The following TLN1 variants were observed in gnomAD, a reference collection of about 807,000 sequenced individuals.
The protein encoded by TLN1 is talin-1.
A neutral mutation model predicts 292.3 loss-of-function variants in TLN1; 56 were observed. The observed-to-expected ratio is 0.19, with a 90% CI of 0.15 to 0.24. TLN1 has a LOEUF of 0.24. TLN1 is among the 10% of genes least tolerant of loss of function. The pLI is 1.00. For synonymous variants in TLN1, 1,119 were observed against 1,253.7 expected, an observed-to-expected ratio of 0.89 and a Z score of 2.27; for missense variants, 2,433 against 3,248.2, an observed-to-expected ratio of 0.75 and a Z score of 6.10.
In TLN1 at chr9:35,699,884, G is replaced by A; in HGVS notation, c.6768+90C>T. 1 of 1,376,460 alleles carries A rather than the reference G, an allele frequency of 7.3e-7. No individual in the cohort carries two copies. The highest frequency in any genetic ancestry group is 1.0e-6 in the Non-Finnish European group (1 of 1,003,412). The allele number at this position is 1,376,460 out of a possible 1,614,324, so 85.3% of individuals were successfully genotyped here. On this transcript the variant is annotated intron_variant, in intron 50 of 56. Coordinates refer to ENST00000314888, the MANE Select transcript of TLN1 (RefSeq NM_006289.4). The surrounding 1 kb of genome is among the most constrained non-coding windows in gnomAD (Gnocchi z 4.0). ...AGGGTGGGGTAGGGAGGAGATCTGA[G>A]CAAAACAGACAGCAGGGTGCGAGGC...
intron 10 of TLN1, 53 bp from the exon 11 acceptor site, chr9:35,720,966 GA>G (rs1174401878): frequency 1.4e-6 from 2 of 1,450,364 alleles, no homozygotes; most frequent in Admixed American, 1.7e-5. Context: ...ATCCAGGATG[GA>G]AATGGCTAGG....
At chr9:35,711,973 C>T (rs1469748831) in intron 28 of TLN1, 32 bp downstream of exon 28, 2 of 1,610,242 alleles carry the variant, frequency 1.2e-6, no homozygotes, top group Non-Finnish European at 1.7e-6. Context: ...TCTTTGACTC[C>T]TACGTTCCCC....
At position 35,715,171 on chromosome 9, in the gene TLN1, G is replaced by C. The variant is rs1825755727; in HGVS notation, c.2642C>G (p.Pro881Arg). The part of the protein sequence containing the change: ...VEAAKGAAAH[P>R]DSEEQQQRLR... Reference sequence around the variant, plus strand: ...CCGCTGCTGCTGCTCCTCACTGTCAGGGTGGGCAGCTGCTCCCTGAGGGAG... The same window carrying C: ...CCGCTGCTGCTGCTCCTCACTGTCACGGTGGGCAGCTGCTCCCTGAGGGAG... Residue 881 changes from proline (P) to arginine (R), a missense_variant, in exon 21 of 57, where the codon CCT becomes CGT. By Grantham distance (103) the Pro-to-Arg change is moderately radical. Around this residue, in one of 7 missense-constraint regions of TLN1, gnomAD observed 617 missense variants for 770.6 expected, o/e 0.80. Transcript: ENST00000314888. 1 of 1,611,456 alleles carries C rather than the reference G, an allele frequency of 6.2e-7. No individual in the cohort carries two copies.
At chr9:35,712,164 A>G in intron 27 of TLN1, 40 bp from the exon 28 acceptor site, 2 of 1,593,334 alleles carry the variant, frequency 1.3e-6, no homozygotes, top group Non-Finnish European at 1.7e-6. Flanking sequence ...AAGTGAAAAG[A>G]ATTTGAGAGA....
chr9:35,730,561 A>G (rs1194314330), intron 1 of TLN1, among the ~76,000 whole-genome samples: 1 of 152,106 alleles, frequency 6.6e-6, no homozygotes, highest in African/African-American at 2.4e-5. Context: ...TGACTGGGTG[A>G]AAATGGTAGG....
intron 1 of TLN1, among the ~76,000 whole-genome samples, chr9:35,726,112 C>T (rs961773185): frequency 1.3e-5 from 2 of 152,152 alleles, no homozygotes; most frequent in Non-Finnish European, 2.9e-5. Flanking sequence ...CGGGGTTTCA[C>T]CATGTTAGCC....
rs1288883631 is a variant in TLN1 at position 35,711,010 on chromosome 9, A to G, written c.4092T>C (p.Asp1364=). 6.2e-7 allele frequency: 1 copy of G among 1,614,228 alleles called. No individual in the cohort carries two copies. Among genetic ancestry groups the G allele is most frequent in the South Asian group, 1.1e-5 (1 of 91,086 alleles). ...CTACCTCCAATTCCCGCAGGGCGTT[A>G]TCACACTCCTTCTGGCCGGGTGCCT... ...TQQAPGQKEC[D]NALRELETVR... Residue 1364 remains aspartate (D), a synonymous_variant, in exon 31 of 57, where the codon GAT becomes GAC. Coordinates refer to ENST00000314888, the MANE Select transcript of TLN1 (RefSeq NM_006289.4).
chr9:35,727,792 C>T (rs1419234007), intron 1 of TLN1, among the ~76,000 whole-genome samples: 3 of 152,188 alleles, frequency 2.0e-5, no homozygotes, highest in Admixed American at 6.5e-5. Flanking sequence ...GACACTTAGA[C>T]ACCCCCTTCC....
rs1825573682 is a variant in TLN1 at position 35,706,854 on chromosome 9, G to A, written c.5002C>T (p.Leu1668=). 5 of 1,614,038 alleles carry A rather than the reference G, an allele frequency of 3.1e-6. No homozygotes were observed. Among genetic ancestry groups the A allele is most frequent in the Non-Finnish European group, 4.2e-6 (5 of 1,180,036 alleles). ...QLECETAIAA[L]NSCLRDLDQA... is the part of the protein sequence containing the mutation. The stretch of plus-strand genomic sequence containing the variant: ...TCTAGGTCCCGTAGACAACTGTTCA[G>A]AGCTGCAATGGCCGTTTCACACTCC... Residue 1668 remains leucine, a synonymous_variant, in exon 38 of 57, where the codon CTG becomes TTG. Transcript: ENST00000314888. The surrounding 1 kb of genome is among the most constrained non-coding windows in gnomAD (Gnocchi z 4.2).
rs769408641 is a variant in TLN1, at chr9:35,717,133, G to C, written c.2458+13C>G. 4 of 1,584,994 alleles carry C rather than the reference G, an allele frequency of 2.5e-6. No homozygotes were observed. In the South Asian group the frequency reaches 4.5e-5, roughly 18 times the overall value. On this transcript the variant is annotated intron_variant, in intron 19 of 56. Coordinates refer to ENST00000314888, the MANE Select transcript of TLN1 (RefSeq NM_006289.4). The surrounding 1 kb of genome is among the most constrained non-coding windows in gnomAD (Gnocchi z 4.7). The stretch of plus-strand genomic sequence containing the variant: ...GGTAGGGTTTTTTGTTTTCCTGGGG[G>C]TGCGTGTCTTACCAGCATCACCCAT...
chr9:35,706,257 G>A lies in TLN1; in HGVS notation c.5300C>T (p.Thr1767Ile). Reference sequence around the variant, plus strand: ...CAACTGCAGGGCAGACTCTGCCAATGTTTTAGTCTGGTCCAGGAGTGCCAT... The same window carrying A: ...CAACTGCAGGGCAGACTCTGCCAATATTTTAGTCTGGTCCAGGAGTGCCAT... ...QQMALLDQTK[T>I]LAESALQLLY... The change falls in exon 40 of 57, where the codon ACA becomes ATA. Residue 1767 changes from threonine (T) to isoleucine (I), a missense_variant. Coordinates refer to ENST00000314888, the MANE Select transcript of TLN1 (RefSeq NM_006289.4). This position sits in a 1 kb window ranked among gnomAD's most constrained non-coding sequence, Gnocchi z 4.2. 1 of 1,613,590 alleles carries A rather than the reference G, an allele frequency of 6.2e-7. No homozygotes were observed. The highest frequency in any genetic ancestry group is 1.7e-5 in the Admixed American group (1 of 59,984).
In TLN1 at chr9:35,719,340, G is replaced by C; in HGVS notation, c.1688-58C>G. The C allele has an allele frequency of 6.5e-7, 1 of 1,548,388 alleles. No homozygotes were observed. Among genetic ancestry groups the C allele is most frequent in the Non-Finnish European group, 8.9e-7 (1 of 1,128,500 alleles). On this transcript the variant is annotated intron_variant, in intron 15 of 56. Coordinates refer to ENST00000314888, the MANE Select transcript of TLN1 (RefSeq NM_006289.4). The surrounding 1 kb of genome is among the most constrained non-coding windows in gnomAD (Gnocchi z 4.6). ...GACAGGGCAGGCCAGACGAAGGGCT[G>C]GGGAGGGAGCAAAGTCACACCCAGT...
chr9:35,715,262 T>C (rs1825757227), intron 20 of TLN1, 75 bp from the exon 21 acceptor site: 1 of 1,543,712 alleles, frequency 6.5e-7, no homozygotes, highest in Non-Finnish European at 8.7e-7. Flanking sequence ...CTCACTCCTC[T>C]AGACTCAGTT....
chr9:35,706,264 T>C lies in TLN1; in HGVS notation c.5293A>G (p.Thr1765Ala). The change falls in exon 40 of 57, where the codon ACT becomes GCT. Residue 1765 changes from threonine to alanine, a missense_variant. Physicochemically the swap from Thr to Ala is moderately conservative, Grantham distance 58. Coordinates refer to ENST00000314888, the MANE Select transcript of TLN1 (RefSeq NM_006289.4). This position sits in a 1 kb window ranked among gnomAD's most constrained non-coding sequence, Gnocchi z 4.2. ...AGGGCAGACTCTGCCAATGTTTTAG[T>C]CTGGTCCAGGAGTGCCATCTGCTGC... The part of the protein sequence containing the change: ...HPQQMALLDQ[T>A]KTLAESALQL... 3.1e-6 allele frequency: 5 copies of C among 1,613,770 alleles called. No individual in the cohort carries two copies. The highest frequency in any genetic ancestry group is 4.2e-6 in the Non-Finnish European group (5 of 1,179,776).
rs1240344668 is a variant in TLN1 at position 35,710,575 on chromosome 9, C to G, written c.4312G>C (p.Glu1438Gln). 1.2e-6 allele frequency: 2 copies of G among 1,613,454 alleles called. No individual in the cohort carries two copies. Among genetic ancestry groups the G allele is most frequent in the Non-Finnish European group, 1.7e-6 (2 of 1,179,932 alleles). Residue 1438 changes from glutamate (E) to glutamine (Q), a missense_variant, in exon 33 of 57, where the codon GAG becomes CAG. Physicochemically the swap from Glu to Gln is conservative, Grantham distance 29 (BLOSUM62 2). Around this residue, in one of 7 missense-constraint regions of TLN1, gnomAD observed 1,384 missense variants for 1,699.6 expected, o/e 0.81. Transcript: ENST00000314888. ...TASKALCGFTEAAAQAAYLVG... is the reference protein window; with the variant it reads ...TASKALCGFTQAAAQAAYLVG... Reference sequence around the variant, plus strand: ...AGGAAAATAACCTGTGCAGCTGCCTCGGTGAAGCCACAAAGTGCCTTTGAG... The same window carrying G: ...AGGAAAATAACCTGTGCAGCTGCCTGGGTGAAGCCACAAAGTGCCTTTGAG...
intron 1 of TLN1, among the ~76,000 whole-genome samples, chr9:35,726,723 C>T (rs1176552971): frequency 6.6e-6 from 1 of 152,158 alleles, no homozygotes; most frequent in Non-Finnish European, 1.5e-5. Context: ...GCTTCCCAGG[C>T]AGTCAAGCTA....
intron 56 of TLN1, 43 bp from the exon 57 acceptor site, chr9:35,697,959 G>A: frequency 6.2e-7 from 1 of 1,613,982 alleles, no homozygotes; most frequent in Non-Finnish European, 8.5e-7. Flanking sequence ...AGGATGCACA[G>A]CAGGGGCATA....
At position 35,714,968 on chromosome 9, in the gene TLN1, G is replaced by A. The variant is rs763339980; in HGVS notation, c.2754+91C>T. ...CTTGCCCAGGTTATGCCTCAAGGAC[G>A]TATTAACTTACTCTCCGCACCTCCC... On this transcript the variant is annotated intron_variant, in intron 21 of 56. Transcript: ENST00000314888. The surrounding 1 kb of genome is among the most constrained non-coding windows in gnomAD (Gnocchi z 4.6). The A allele has an allele frequency of 2.7e-5, 44 of 1,609,726 alleles. No homozygotes were observed. In the Middle Eastern group the frequency reaches 5.3e-4, roughly 19 times the overall value.
chr9:35,720,253 ACTC>A (rs758211376), intron 12 of TLN1, 34 bp from the exon 13 acceptor site: 12 of 1,552,274 alleles, frequency 7.7e-6, no homozygotes, highest in Non-Finnish European at 1.0e-5. Context: ...CTCACAGAGG[ACTC>A]CTCATCTCTA....
Sources: gnomAD v4.1 joint callset for allele counts (sites outside exome capture counted in the v4.1 genomes callset) on GRCh38, gnomAD v4.1.1 for gene constraint, gnomAD v4.1.1 regional missense constraint, Gnocchi (gnomAD v3.1) non-coding constraint, MANE v1.5 for transcripts, NCBI Gene and HGNC (gene_info 2026-07-23, HGNC 2026-07-21) for gene names.